Variants in ABLIM3 observed in about 807,000 individuals in gnomAD.
The protein encoded by ABLIM3 is actin-binding LIM protein 3.
ABLIM3 carries 61 observed loss-of-function variants against 109.5 expected under a neutral mutation model. The observed-to-expected ratio is 0.56, with a 90% confidence interval of 0.45 to 0.69. The LOEUF (loss-of-function observed/expected upper bound fraction) is 0.69, where lower values mean the gene tolerates loss of function less well. Ranked by LOEUF, ABLIM3 falls within the 30% of genes least tolerant of loss-of-function variation. ABLIM3 has a pLI of 0.00. For synonymous variants in ABLIM3, 300 were observed against 324.8 expected (o/e 0.92, Z 0.82); for missense variants, 796 against 889.5 (o/e 0.89, Z 1.34).
chr5:149,220,947 G>A (rs984995904), intron 8 of ABLIM3: 1 of 152,354 alleles, frequency 6.6e-6, no homozygotes, highest in African/African-American at 2.4e-5. Context: ...TCTCTGGAAA[G>A]AGAAACCAAC....
At chr5:149,172,400 T>C (rs938575027) in intron 2 of ABLIM3, among the ~76,000 whole-genome samples, 1 of 152,176 alleles carries the variant, frequency 6.6e-6, no homozygotes, top group African/African-American at 2.4e-5. Flanking sequence ...AAAAAACGTT[T>C]GAAAACCACC....
At chr5:149,143,699 A>C (rs1369472157) in intron 2 of ABLIM3, among the ~76,000 whole-genome samples, 1 of 152,206 alleles carries the variant, frequency 6.6e-6, no homozygotes, top group African/African-American at 2.4e-5. Context: ...CTTACAGCCA[A>C]AGAATTTTGC....
intron 5 of ABLIM3, among the ~76,000 whole-genome samples, chr5:149,206,005 C>T (rs975625812): frequency 9.2e-5 from 14 of 152,196 alleles, no homozygotes; most frequent in Admixed American, 2.0e-4. Context: ...CTCACTACTC[C>T]CAAGTGTGCA....
intron 9 of ABLIM3, 106 bp from the exon 10 acceptor site, chr5:149,233,123 T>C: frequency 1.1e-6 from 1 of 942,452 alleles, no homozygotes. Context: ...AGCCAGAGAG[T>C]ACTTTAATGG....
At chr5:149,190,288 G>A (rs111820771) in intron 3 of ABLIM3, among the ~76,000 whole-genome samples, 3 of 152,260 alleles carry the variant, frequency 2.0e-5, no homozygotes, top group African/African-American at 7.2e-5. Context: ...ATTAGATAGT[G>A]GTAATGATTG....
intron 2 of ABLIM3, among the ~76,000 whole-genome samples, chr5:149,144,328 G>A (rs991131985): frequency 1.3e-5 from 2 of 152,130 alleles, no homozygotes; most frequent in African/African-American, 4.8e-5. Flanking sequence ...TCATCATGGA[G>A]GTACCTCCCA....
At position 149,235,915 on chromosome 5, in the gene ABLIM3, C is replaced by T. The variant is rs555147073; in HGVS notation, c.889-1533C>T. Among the ~76,000 whole-genome samples, 144 of 152,270 alleles carry T rather than the reference C, an allele frequency of 9.5e-4. 5 individuals carry two copies. The South Asian group carries it at 0.024, about 26-fold the overall frequency. ...CTACAGCAACATAATGTTGTTACCA[C>T]ACTGGACCTAAAAAGATGAGGGAAG... On this transcript the variant is annotated intron_variant, in intron 10 of 23. Transcript: ENST00000309868.
At chr5:149,168,102 C>A (rs1421819538) in intron 2 of ABLIM3, among the ~76,000 whole-genome samples, 1 of 152,120 alleles carries the variant, frequency 6.6e-6, no homozygotes, top group East Asian at 1.9e-4. Context: ...TGTCTTCAGG[C>A]ATTGTCAAAT....
rs887449005 is a variant in ABLIM3 at position 149,179,547 on chromosome 5, C to A, written c.14-3905C>A. Among the ~76,000 whole-genome samples, 3 of 151,964 alleles carry A rather than the reference C, an allele frequency of 2.0e-5. No homozygotes were observed. In the East Asian group the frequency reaches 5.8e-4, roughly 29 times the overall value. ...AAATTGTTTAAGTACAACTTTAGAA[C>A]TCTTTAGGGATAAAAATGAATCATT... is the stretch of plus-strand genomic sequence containing the variant. On this transcript the variant is annotated intron_variant, in intron 2 of 23. Coordinates refer to ENST00000309868, the MANE Select transcript of ABLIM3 (RefSeq NM_014945.5).
chr5:149,206,996 CT>C lies in ABLIM3; in HGVS notation c.449-10del. 6.2e-7 allele frequency: 1 copy of C among 1,613,490 alleles called. No homozygotes were observed. The highest frequency in any genetic ancestry group is 8.5e-7 in the Non-Finnish European group (1 of 1,179,670). On this transcript the variant is annotated splice_polypyrimidine_tract_variant and intron_variant, in intron 5 of 23. Transcript: ENST00000309868. ...AGGGTGCTTTGCTCAGCAGTGTCCT[CT>C]TGTCTTGCAGACTGTGCCGGGTGCA... is the stretch of plus-strand genomic sequence containing the variant.
chr5:149,169,483 A>G (rs1329690178), intron 2 of ABLIM3, among the ~76,000 whole-genome samples: 1 of 152,110 alleles, frequency 6.6e-6, no homozygotes, highest in Non-Finnish European at 1.5e-5. Flanking sequence ...AGTCAGGAGT[A>G]TTTCACATGT....
At chr5:149,170,866 T>C (rs906781048) in intron 2 of ABLIM3, among the ~76,000 whole-genome samples, 10 of 152,240 alleles carry the variant, frequency 6.6e-5, no homozygotes, top group African/African-American at 2.4e-4. Context: ...CTTTTGGTCT[T>C]TTTCTTCTGT....
chr5:149,239,382 A>G, intron 12 of ABLIM3, 105 bp downstream of exon 12: 1 of 1,275,742 alleles, frequency 7.8e-7, no homozygotes, highest in Non-Finnish European at 1.1e-6. Flanking sequence ...TGCCCAAGGT[A>G]TTCCCTGCAA....
chr5:149,150,856 T>C (rs1753365819), intron 2 of ABLIM3, among the ~76,000 whole-genome samples: 1 of 151,438 alleles, frequency 6.6e-6, no homozygotes, highest in Admixed American at 6.5e-5. Context: ...GGCAAGTCAC[T>C]TACCTTCTCT....
chr5:149,227,064 C>G (rs944124346), intron 8 of ABLIM3, among the ~76,000 whole-genome samples: 1 of 119,694 alleles, frequency 8.4e-6, no homozygotes, highest in Non-Finnish European at 1.8e-5. Flanking sequence ...GAGCGAAACT[C>G]CATCTCAAAA....
At chr5:149,187,905 G>C (rs1757126018) in intron 3 of ABLIM3, among the ~76,000 whole-genome samples, 1 of 152,210 alleles carries the variant, frequency 6.6e-6, no homozygotes, top group African/African-American at 2.4e-5. Flanking sequence ...CACAGCAGCA[G>C]GGGCCACGTG....
Position 149,258,491 on chromosome 5 carries a change from A to C in ABLIM3, c.*87A>C. 1 of 1,452,124 alleles carries C rather than the reference A, an allele frequency of 6.9e-7. No individual in the cohort carries two copies. Among genetic ancestry groups the C allele is most frequent in the Non-Finnish European group, 9.0e-7 (1 of 1,107,438 alleles). The allele number at this position is 1,452,124 out of a possible 1,614,324, so 90.0% of individuals were successfully genotyped here. A position where few individuals can be genotyped will look rare whatever the true frequency, so the allele number is the denominator to read the frequency against. On this transcript the variant is annotated 3_prime_UTR_variant, in exon 24 of 24. Coordinates refer to ENST00000309868, the MANE Select transcript of ABLIM3 (RefSeq NM_014945.5). The stretch of plus-strand genomic sequence containing the variant: ...AGCTCGGTATAATCCTCTCTTGTGT[A>C]ATGGGACACACTGCCTGCCATGAGA...
intron 23 of ABLIM3, among the ~76,000 whole-genome samples, chr5:149,256,743 G>GT (rs1754458014): frequency 6.6e-6 from 1 of 152,140 alleles, no homozygotes; most frequent in Non-Finnish European, 1.5e-5. Flanking sequence ...AAATAAAATA[G>GT]GTAAATGAAG....
intron 16 of ABLIM3, among the ~76,000 whole-genome samples, chr5:149,246,018 C>G (rs1383605304): frequency 2.6e-5 from 4 of 152,078 alleles, no homozygotes; most frequent in Non-Finnish European, 4.4e-5. Context: ...TAAAAATTAT[C>G]TGGGCATGAT....
Sources: allele counts gnomAD v4.1 joint callset (sites outside exome capture counted in the v4.1 genomes callset), GRCh38; gene constraint gnomAD v4.1.1; transcripts MANE v1.5; gene names NCBI Gene and HGNC (gene_info 2026-07-23, HGNC 2026-07-21).